CNTNAP2: variants seen among roughly 807,000 people sequenced by gnomAD.
CNTNAP2 encodes the protein contactin-associated protein-like 2.
CNTNAP2 carries 98 observed loss-of-function variants against 155.2 expected under a neutral mutation model. That is an observed-to-expected ratio of 0.63 (90% CI 0.54 to 0.75). The LOEUF (loss-of-function observed/expected upper bound fraction) is 0.75, where lower values mean the gene tolerates loss of function less well. Ranked by LOEUF, CNTNAP2 falls within the 30% of genes least tolerant of loss-of-function variation. The probability of loss-of-function intolerance (pLI) is 0.00; values close to 1 mark genes in which losing one functional copy is unlikely to be tolerated. For synonymous variants in CNTNAP2, 651 were observed against 631.2 expected (o/e 1.03, Z -0.47); for missense variants, 1,727 against 1,688.1 (o/e 1.02, Z -0.40).
chr7:147,359,005 T>TA lies in CNTNAP2; in HGVS notation c.1499-36602dup, dbSNP rs1190594749. 3.3e-5 allele frequency among the ~76,000 whole-genome samples: 5 copies of TA among 152,250 alleles called. No homozygotes were observed. The East Asian group carries it at 9.6e-4, about 29-fold the overall frequency. ...CCATTAGGCACATCTAGCTCAAAGGTAATTGTCTTATACCTGGCACACTTC... is the reference window on the plus strand; with the variant it reads ...CCATTAGGCACATCTAGCTCAAAGGTAAATTGTCTTATACCTGGCACACTTC... On this transcript the variant is annotated intron_variant, in intron 9 of 23. Transcript: ENST00000361727.
intron 8 of CNTNAP2, among the ~76,000 whole-genome samples, chr7:147,171,861 T>TAG (rs1802234575): frequency 6.6e-6 from 1 of 152,108 alleles, no homozygotes; most frequent in South Asian, 2.1e-4. Context: ...AATTGGGTAT[T>TAG]ACATCGTGAT....
At chr7:146,861,909 A>C (rs1795109569) in intron 3 of CNTNAP2, among the ~76,000 whole-genome samples, 1 of 152,188 alleles carries the variant, frequency 6.6e-6, no homozygotes, top group African/African-American at 2.4e-5. Flanking sequence ...CAACTCAATT[A>C]ACCTCTGGGC....
intron 1 of CNTNAP2, among the ~76,000 whole-genome samples, chr7:146,177,198 G>C (rs1216730594): frequency 1.3e-5 from 2 of 152,134 alleles, no homozygotes; most frequent in Non-Finnish European, 2.9e-5. Context: ...TTTACATCTG[G>C]ACAGTATTGA....
At chr7:146,671,055 T>C (rs973590196) in intron 1 of CNTNAP2, among the ~76,000 whole-genome samples, 1 of 152,228 alleles carries the variant, frequency 6.6e-6, no homozygotes, top group African/African-American at 2.4e-5. Context: ...CCTCAAATTC[T>C]TGACCAGGAC....
At chr7:147,401,056 C>T (rs569155788) in intron 10 of CNTNAP2, among the ~76,000 whole-genome samples, 2 of 152,196 alleles carry the variant, frequency 1.3e-5, no homozygotes, top group South Asian at 4.2e-4. Flanking sequence ...TTAGTGATGT[C>T]CCCTAGAGGT....
chr7:148,059,743 T>C (rs1803097599), intron 15 of CNTNAP2, among the ~76,000 whole-genome samples: 1 of 148,860 alleles, frequency 6.7e-6, no homozygotes, highest in Admixed American at 6.7e-5. Flanking sequence ...ATATTTATAC[T>C]ATACATATAT....
chr7:147,286,908 C>T (rs2116737517), intron 8 of CNTNAP2, among the ~76,000 whole-genome samples: 1 of 152,220 alleles, frequency 6.6e-6, no homozygotes, highest in East Asian at 1.9e-4. Context: ...GTTGACTAGT[C>T]CCTGCTTCTT....
intron 1 of CNTNAP2, among the ~76,000 whole-genome samples, chr7:146,409,793 C>G (rs999523089): frequency 1.3e-5 from 2 of 152,114 alleles, no homozygotes; most frequent in Admixed American, 1.3e-4. Flanking sequence ...CTTCGAAAAC[C>G]ACCTGGGTCA....
At chr7:147,436,815 C>T (rs1584947640) in intron 10 of CNTNAP2, among the ~76,000 whole-genome samples, 1 of 152,126 alleles carries the variant, frequency 6.6e-6, no homozygotes, top group Non-Finnish European at 1.5e-5. Flanking sequence ...TAGGCTCCCA[C>T]CCACACTCAG....
intron 1 of CNTNAP2, among the ~76,000 whole-genome samples, chr7:146,272,657 T>C (rs1049173462): frequency 6.6e-6 from 1 of 151,470 alleles, no homozygotes; most frequent in Non-Finnish European, 1.5e-5. Flanking sequence ...TGTATATCAG[T>C]GTGTGTGTGT....
chr7:148,229,135 G>A (rs1186128405), intron 19 of CNTNAP2, among the ~76,000 whole-genome samples: 1 of 152,186 alleles, frequency 6.6e-6, no homozygotes, highest in Non-Finnish European at 1.5e-5. Flanking sequence ...CGAGCCTGGT[G>A]CTGTCAGCCG....
At chr7:148,201,642 T>C (rs1795372305) in intron 18 of CNTNAP2, among the ~76,000 whole-genome samples, 1 of 152,146 alleles carries the variant, frequency 6.6e-6, no homozygotes, top group African/African-American at 2.4e-5. Flanking sequence ...AAGCCAGTTT[T>C]GTATGCAACT....
chr7:147,108,885 G>T (rs1800820577), intron 5 of CNTNAP2, among the ~76,000 whole-genome samples: 1 of 152,020 alleles, frequency 6.6e-6, no homozygotes, highest in Non-Finnish European at 1.5e-5. Flanking sequence ...AGAGAAAGAA[G>T]ATTACATAGG....
At chr7:146,448,213 G>A (rs1040884231) in intron 1 of CNTNAP2, among the ~76,000 whole-genome samples, 3 of 151,914 alleles carry the variant, frequency 2.0e-5, no homozygotes, top group South Asian at 2.1e-4. Flanking sequence ...CTCAGAAATC[G>A]ATTGTCATCC....
chr7:148,307,666 A>G (rs949949852), intron 21 of CNTNAP2, among the ~76,000 whole-genome samples: 4 of 152,174 alleles, frequency 2.6e-5, no homozygotes, highest in Admixed American at 6.6e-5. Flanking sequence ...TTTAGAAAAA[A>G]TGTGAAGAAT....
chr7:147,093,663 C>G (rs147912014), intron 4 of CNTNAP2, among the ~76,000 whole-genome samples: 12 of 152,242 alleles, frequency 7.9e-5, no homozygotes, highest in African/African-American at 2.9e-4. Context: ...ACACAAAATG[C>G]GTTTATTCCA....
intron 1 of CNTNAP2, among the ~76,000 whole-genome samples, chr7:146,274,850 T>G (rs1020805018): frequency 6.6e-6 from 1 of 152,220 alleles, no homozygotes; most frequent in African/African-American, 2.4e-5. Flanking sequence ...CTTTTGTTCC[T>G]TGTCTTTTAA....
At chr7:147,499,542 C>T (rs113702537) in intron 11 of CNTNAP2, among the ~76,000 whole-genome samples, 2,991 of 151,970 alleles carry the variant, frequency 0.02, 113 homozygotes, top group African/African-American at 0.069. Context: ...AAAAAAATAC[C>T]GATATAATGA....
chr7:146,871,674 ATCT>A (rs1349653923), intron 3 of CNTNAP2, among the ~76,000 whole-genome samples: 4 of 152,126 alleles, frequency 2.6e-5, no homozygotes, highest in South Asian at 2.1e-4. Flanking sequence ...TTTGACATCC[ATCT>A]TCTTATAATA....
Sources: allele counts gnomAD v4.1 joint callset (sites outside exome capture counted in the v4.1 genomes callset), GRCh38; gene constraint gnomAD v4.1.1; transcripts MANE v1.5; gene names NCBI Gene and HGNC (gene_info 2026-07-23, HGNC 2026-07-21).